Variants in SIM2 observed in about 807,000 individuals in gnomAD.
SIM2 encodes the protein SIM bHLH transcription factor 2, also known as single-minded homolog 2.
SIM2 carries 28 observed loss-of-function variants against 64.8 expected under a neutral mutation model. The observed-to-expected ratio is 0.43, with a 90% CI of 0.32 to 0.59. The LOEUF (loss-of-function observed/expected upper bound fraction) is 0.59, where lower values mean the gene tolerates loss of function less well. Ranked by LOEUF, SIM2 falls within the 20% of genes least tolerant of loss-of-function variation. The pLI, the probability that SIM2 is intolerant of heterozygous loss-of-function variation, is 0.07. For synonymous variants in SIM2, 408 were observed against 391.1 expected, an observed-to-expected ratio of 1.04 and a Z score of -0.51; for missense variants, 847 against 871.4, an observed-to-expected ratio of 0.97 and a Z score of 0.35.
chr21:36,714,509 C>T (rs563023252), intron 3 of SIM2, among the ~76,000 whole-genome samples: 8 of 152,092 alleles, frequency 5.3e-5, no homozygotes, highest in Admixed American at 5.2e-4. Flanking sequence ...CTTTAAGGAT[C>T]GTGGTGAGAA....
chr21:36,723,528 C>A lies in SIM2; in HGVS notation c.543+398C>A, dbSNP rs117057361. Among the ~76,000 whole-genome samples, 3 of 152,232 alleles carry A rather than the reference C, an allele frequency of 2.0e-5. No individual in the cohort carries two copies. The South Asian group carries it at 6.2e-4, about 32-fold the overall frequency. On this transcript the variant is annotated intron_variant, in intron 5 of 10. Transcript: ENST00000290399. ...CCCCTTGGGATGCTCCACCAAGTTC[C>A]CTGCCGCCGATGACGGTGTGCACCA...
At chr21:36,724,403 T>C (rs2088863321) in intron 5 of SIM2, among the ~76,000 whole-genome samples, 1 of 152,202 alleles carries the variant, frequency 6.6e-6, no homozygotes, top group African/African-American at 2.4e-5. Context: ...CTCAGCCATC[T>C]GTGTAGCTGG....
rs61252184 is a variant in SIM2 at position 36,737,961 on chromosome 21, CAAAAAAAAAAA to C, written c.851-3745_851-3735del. 4.8e-3 allele frequency among the ~76,000 whole-genome samples: 163 copies of C among 34,136 alleles called. 10 individuals are homozygous for C. The highest frequency in any genetic ancestry group is 0.033 in the Middle Eastern group (1 of 30). 22.4% of individuals were successfully genotyped at this position (34,136 alleles called of 152,430 possible). A position where few individuals can be genotyped will look rare whatever the true frequency, so the allele number is the denominator to read the frequency against. On this transcript the variant is annotated intron_variant, in intron 7 of 10. Transcript: ENST00000290399. ...TGGGCAAAAGAGCAAGACCCTGTCT[CAAAAAAAAAAA>C]AAAAAAAAAAGCAAAAAAAAAGCAA...
chr21:36,742,750 G>A (rs1027384518), intron 8 of SIM2, among the ~76,000 whole-genome samples: 3 of 152,174 alleles, frequency 2.0e-5, no homozygotes, highest in African/African-American at 7.2e-5. Context: ...TAGGCTCTAG[G>A]TTTGTTCATA....
chr21:36,737,365 C>T (rs530298968), intron 7 of SIM2, among the ~76,000 whole-genome samples: 11 of 152,216 alleles, frequency 7.2e-5, no homozygotes, highest in Admixed American at 2.0e-4. Flanking sequence ...TCAGGAAAGC[C>T]GAGCTCTGCC....
intron 1 of SIM2, among the ~76,000 whole-genome samples, chr21:36,706,578 G>A (rs1000030674): frequency 6.6e-6 from 1 of 152,252 alleles, no homozygotes; most frequent in African/African-American, 2.4e-5. Flanking sequence ...TTTCGTGGGA[G>A]TGTATATCAC....
At position 36,716,231 on chromosome 21, in the gene SIM2, G is replaced by A. The variant is rs529449661; in HGVS notation, c.349-3590G>A. 1.2e-4 allele frequency among the ~76,000 whole-genome samples: 19 copies of A among 152,300 alleles called. No homozygotes were observed. The East Asian group carries it at 3.5e-3, about 28-fold the overall frequency. ...CAATTATTTTACTTTTATTTAGGGA[G>A]GAGGAAGAAAAATCCCCGTGTAAAA... On this transcript the variant is annotated intron_variant, in intron 3 of 10. Transcript: ENST00000290399.
rs377543172 is a variant in SIM2, at chr21:36,743,564, C to T, written c.1167+9C>T. On this transcript the variant is annotated intron_variant, in intron 9 of 10. Coordinates refer to ENST00000290399, the MANE Select transcript of SIM2 (RefSeq NM_005069.6). ...ACCCTTACCCCCCACAGGTAACACG[C>T]ATGTCCTGCAGTTTTGGGGTGCTGA... The T allele has an allele frequency of 2.5e-6, 4 of 1,611,648 alleles. No homozygotes were observed. Among genetic ancestry groups the T allele is most frequent in the Non-Finnish European group, 2.5e-6 (3 of 1,178,850 alleles).
chr21:36,709,294 C>T (rs771939613), intron 2 of SIM2, 44 bp downstream of exon 2: 2 of 1,454,534 alleles, frequency 1.4e-6, no homozygotes, highest in Non-Finnish European at 1.9e-6. Flanking sequence ...GCCGCAGGCT[C>T]CCTTCCCACC....
At chr21:36,723,337 G>T (rs531368025) in intron 5 of SIM2, among the ~76,000 whole-genome samples, 1 of 152,102 alleles carries the variant, frequency 6.6e-6, no homozygotes, top group African/African-American at 2.4e-5. Flanking sequence ...GGAATTCATC[G>T]CATAAGACCC....
intron 7 of SIM2, among the ~76,000 whole-genome samples, chr21:36,741,176 A>C (rs906586117): frequency 9.2e-5 from 14 of 152,214 alleles, no homozygotes; most frequent in African/African-American, 3.1e-4. Flanking sequence ...GGCCCAAGGA[A>C]AACTGGGATT....
At chr21:36,735,535 A>G (rs2089033215) in intron 7 of SIM2, among the ~76,000 whole-genome samples, 1 of 151,044 alleles carries the variant, frequency 6.6e-6, no homozygotes, top group Non-Finnish European at 1.5e-5. Context: ...CACACTCTCC[A>G]GCTCTGTCTC....
intron 1 of SIM2, among the ~76,000 whole-genome samples, chr21:36,704,551 C>T (rs1426391686): frequency 1.3e-5 from 2 of 152,210 alleles, no homozygotes; most frequent in Admixed American, 6.5e-5. Flanking sequence ...GGAAGTGGAG[C>T]GCGCGCTGCA....
Position 36,706,389 on chromosome 21 carries a change from C to A in SIM2, c.176-2779C>A, listed in dbSNP as rs187487170. ...CCCAGCCGCAACCTCACCTTCCTCA[C>A]CCCCACCCCTCCGGCAGGAAACCAC... is the stretch of plus-strand genomic sequence containing the variant. On this transcript the variant is annotated intron_variant, in intron 1 of 10. Coordinates refer to ENST00000290399, the MANE Select transcript of SIM2 (RefSeq NM_005069.6). Among the ~76,000 whole-genome samples, 13 of 152,256 alleles carry A rather than the reference C, an allele frequency of 8.5e-5. 1 individual carries two copies. The East Asian group carries it at 2.3e-3, about 27-fold the overall frequency.
intron 7 of SIM2, among the ~76,000 whole-genome samples, chr21:36,738,235 G>T (rs145093001): frequency 3.3e-5 from 5 of 152,032 alleles, no homozygotes; most frequent in African/African-American, 1.2e-4. Context: ...AGCCAGATGC[G>T]GTGGCTCACG....
intron 1 of SIM2, among the ~76,000 whole-genome samples, chr21:36,707,325 G>T (rs991264471): frequency 1.3e-5 from 2 of 152,210 alleles, no homozygotes; most frequent in Non-Finnish European, 2.9e-5. Flanking sequence ...CGAGGCCTGG[G>T]AGGAAGGACC....
At chr21:36,735,481 C>A (rs956966637) in intron 7 of SIM2, among the ~76,000 whole-genome samples, 3 of 152,236 alleles carry the variant, frequency 2.0e-5, no homozygotes, top group Non-Finnish European at 4.4e-5. Flanking sequence ...AGCGTCCTTA[C>A]ACCCACACCA....
intron 6 of SIM2, among the ~76,000 whole-genome samples, chr21:36,729,204 G>T (rs562522699): frequency 1.7e-3 from 252 of 152,336 alleles, no homozygotes; most frequent in African/African-American, 5.8e-3. Context: ...GGTCTGGGAA[G>T]CCTCTTTCAT....
intron 2 of SIM2, among the ~76,000 whole-genome samples, chr21:36,710,897 G>A (rs1245232835): frequency 2.0e-5 from 3 of 152,198 alleles, no homozygotes; most frequent in Admixed American, 2.0e-4. Context: ...TGGGTGTGTT[G>A]CAAGTTTCAT....
Sources: gnomAD v4.1 joint callset for allele counts (sites outside exome capture counted in the v4.1 genomes callset) on GRCh38, gnomAD v4.1.1 for gene constraint, MANE v1.5 for transcripts, NCBI Gene and HGNC (gene_info 2026-07-23, HGNC 2026-07-21) for gene names.